The following APLF variants were observed in gnomAD, a reference collection of about 807,000 sequenced individuals.
APLF encodes aprataxin and PNKP like factor.
A neutral mutation model predicts 55.6 loss-of-function variants in APLF; 61 were observed. The ratio of observed to expected loss-of-function variants is 1.10; its 90% CI spans 0.89 to 1.36. The LOEUF is 1.36. Among genes scored for constraint, APLF ranks in the 40% most tolerant of loss-of-function variants. The pLI is 0.00. For missense variants in APLF, 611 were observed against 602.5 expected, an observed-to-expected ratio of 1.01 and a Z score of -0.15; for synonymous variants, 207 against 214.8, an observed-to-expected ratio of 0.96 and a Z score of 0.32.
At chr2:68,557,881 A>G (rs2104045056) in intron 8 of APLF, among the ~76,000 whole-genome samples, 1 of 151,884 alleles carries the variant, frequency 6.6e-6, no homozygotes, top group Non-Finnish European at 1.5e-5. Flanking sequence ...ACTGCACTCC[A>G]GCCTGGGCGA....
intron 5 of APLF, among the ~76,000 whole-genome samples, chr2:68,518,400 CAA>C (rs1491257301): frequency 3.4e-5 from 3 of 88,198 alleles, no homozygotes; most frequent in Non-Finnish European, 5.5e-5. Flanking sequence ...TAATATATAA[CAA>C]TATATTATAT....
chr2:68,566,533 C>T (rs76428870), intron 8 of APLF, among the ~76,000 whole-genome samples: 2 of 152,098 alleles, frequency 1.3e-5, no homozygotes, highest in South Asian at 4.1e-4. Flanking sequence ...AAAATAATCA[C>T]TCCTGACACA....
At chr2:68,549,195 A>C in intron 8 of APLF, among the ~76,000 whole-genome samples, 1 of 151,912 alleles carries the variant, frequency 6.6e-6, no homozygotes, top group Non-Finnish European at 1.5e-5. Flanking sequence ...CTTGCTATAT[A>C]TTTGTTGAAG....
intron 1 of APLF, among the ~76,000 whole-genome samples, chr2:68,475,754 G>A (rs958446756): frequency 6.6e-6 from 1 of 152,092 alleles, no homozygotes; most frequent in African/African-American, 2.4e-5. Flanking sequence ...TTATGGCAGA[G>A]TCTCAGCATA....
intron 2 of APLF, among the ~76,000 whole-genome samples, chr2:68,495,611 G>A (rs1374483378): frequency 6.6e-6 from 1 of 152,226 alleles, no homozygotes; most frequent in Non-Finnish European, 1.5e-5. Flanking sequence ...AGCTCTACTA[G>A]GCAGTGTCCC....
At chr2:68,571,247 C>T (rs1671452141) in intron 9 of APLF, among the ~76,000 whole-genome samples, 2 of 152,048 alleles carry the variant, frequency 1.3e-5, no homozygotes, top group African/African-American at 4.8e-5. Flanking sequence ...TGTAGGTTGC[C>T]TGTTCACTCT....
intron 5 of APLF, among the ~76,000 whole-genome samples, chr2:68,516,888 A>C (rs994667009): frequency 1.5e-5 from 2 of 132,658 alleles, no homozygotes; most frequent in South Asian, 4.3e-4. Context: ...TGTTATATAT[A>C]ATATAATAAT....
chr2:68,542,612 A>G (rs1380044872), intron 7 of APLF, among the ~76,000 whole-genome samples: 2 of 152,152 alleles, frequency 1.3e-5, no homozygotes, highest in Admixed American at 6.6e-5. Context: ...ATCACCTCAC[A>G]CCTATTAGGG....
At chr2:68,524,676 C>T (rs1487526295) in intron 5 of APLF, among the ~76,000 whole-genome samples, 1 of 152,142 alleles carries the variant, frequency 6.6e-6, no homozygotes, top group African/African-American at 2.4e-5. Flanking sequence ...TATCCTGGCT[C>T]TTAAGGGAAT....
At chr2:68,562,974 TA>T (rs1425268080) in intron 8 of APLF, 1 of 617,556 alleles carries the variant, frequency 1.6e-6, no homozygotes, top group Admixed American at 6.3e-5. Context: ...GAGTTCTGTT[TA>T]CCATCAAAGA....
chr2:68,528,496 G>A (rs1174467814), intron 6 of APLF: 27 of 1,533,854 alleles, frequency 1.8e-5, no homozygotes, highest in Non-Finnish European at 2.4e-5. Flanking sequence ...GTTTTCTTTT[G>A]CGGGACCTGT....
At chr2:68,482,482 T>G (rs1254961628) in intron 1 of APLF, among the ~76,000 whole-genome samples, 1 of 152,122 alleles carries the variant, frequency 6.6e-6, no homozygotes, top group Non-Finnish European at 1.5e-5. Context: ...GGTATGCATG[T>G]ACACATAGTG....
In APLF at chr2:68,485,178, A is replaced by G. The variant is rs970171390; in HGVS notation, c.97-5012A>G. Among the ~76,000 whole-genome samples, 3 of 152,154 alleles carry G rather than the reference A, an allele frequency of 2.0e-5. No homozygotes were observed. In the East Asian group the frequency reaches 5.8e-4, roughly 29 times the overall value. On this transcript the variant is annotated intron_variant, in intron 1 of 9. Coordinates refer to ENST00000303795, the MANE Select transcript of APLF (RefSeq NM_173545.3). ...TACTCGGTTTTGTACATCGTTTTCA[A>G]TAATGCACTTTTTGCATTTTTTTAA...
intron 5 of APLF, among the ~76,000 whole-genome samples, chr2:68,518,958 A>G (rs57420990): frequency 0.19 from 23,530 of 122,544 alleles, 2,813 homozygotes; most frequent in East Asian, 0.29. Context: ...TATTATTAAT[A>G]ATACATAATA....
At position 68,538,109 on chromosome 2, in the gene APLF, A is replaced by G. The variant is rs1670446834; in HGVS notation, c.1042A>G (p.Ser348Gly). 1.2e-6 allele frequency: 2 copies of G among 1,614,026 alleles called. No individual in the cohort carries two copies. The highest frequency in any genetic ancestry group is 1.6e-4 in the Middle Eastern group (1 of 6,084). ...GTCTCAAGGGTCTCATTCTGAGTCC[A>G]GCTCTAATCCCTCCAATCCTGAAAC... ...DESQGSHSESSSNPSNPETLH... is the reference protein window; with the variant it reads ...DESQGSHSESGSNPSNPETLH... The change falls in exon 7 of 10, where the codon AGC becomes GGC. Residue 348 changes from serine (S) to glycine (G), a missense_variant. Transcript: ENST00000303795.
rs1325529703 is a variant in APLF, at chr2:68,578,497, T to G, written c.*475T>G. 1 of 987,136 alleles carries G rather than the reference T, an allele frequency of 1.0e-6. No individual in the cohort carries two copies. The highest frequency in any genetic ancestry group is 1.7e-5 in the African/African-American group (1 of 57,226). The allele number at this position is 987,136 out of a possible 1,614,324, so 61.1% of individuals were successfully genotyped here. ...TGCAGCCATTACATAATGGCGTTTT[T>G]TTTCTAGTACCTTAGATGTGAGCTT... On this transcript the variant is annotated 3_prime_UTR_variant, in exon 10 of 10. Coordinates refer to ENST00000303795, the MANE Select transcript of APLF (RefSeq NM_173545.3).
chr2:68,518,346 A>G (rs1349502518), intron 5 of APLF, among the ~76,000 whole-genome samples: 2 of 113,276 alleles, frequency 1.8e-5, no homozygotes, highest in African/African-American at 3.7e-5. Flanking sequence ...AAATAATTAT[A>G]TATTAATATA....
Position 68,579,942 on chromosome 2 carries a change from A to G in APLF, c.*1920A>G. The G allele has an allele frequency of 2.6e-6, 2 of 760,744 alleles. No homozygotes were observed. Among genetic ancestry groups the G allele is most frequent in the Non-Finnish European group, 3.2e-6 (2 of 625,378 alleles). 47.1% of individuals were successfully genotyped at this position (760,744 alleles called of 1,614,324 possible). A position where few individuals can be genotyped will look rare whatever the true frequency, so the allele number is the denominator to read the frequency against. On this transcript the variant is annotated 3_prime_UTR_variant, in exon 10 of 10. Coordinates refer to ENST00000303795, the MANE Select transcript of APLF (RefSeq NM_173545.3). ...CAAAGGGTAGATTTCATTGCACGTG[A>G]ACTATATATTTCAATAAATCTGTCA...
rs1396775532 is a variant in APLF at position 68,528,542 on chromosome 2, C to T, written c.804+2300C>T. On this transcript the variant is annotated intron_variant, in intron 6 of 9. Transcript: ENST00000303795. The stretch of plus-strand genomic sequence containing the variant: ...TCTGGGTGGAGAAGACCTACTTGAT[C>T]CAAGAGCTGCAGGATCCTTGGGCTG... The T allele has an allele frequency of 2.6e-6, 4 of 1,533,872 alleles. No individual in the cohort carries two copies. In the East Asian group the frequency reaches 9.8e-5, roughly 37 times the overall value.
Sources: allele counts gnomAD v4.1 joint callset (sites outside exome capture counted in the v4.1 genomes callset), GRCh38; gene constraint gnomAD v4.1.1; transcripts MANE v1.5; gene names NCBI Gene and HGNC (gene_info 2026-07-23, HGNC 2026-07-21).